MCTP1: variants seen among roughly 807,000 people sequenced by gnomAD.
The protein encoded by MCTP1 is multiple C2 and transmembrane domain containing 1, also known as multiple C2 and transmembrane domain-containing protein 1.
MCTP1 carries 69 observed loss-of-function variants against 120.6 expected under a neutral mutation model. That is an observed-to-expected ratio of 0.57 (90% CI 0.47 to 0.70). The LOEUF is 0.70. Among genes scored for constraint, MCTP1 ranks in the 30% least tolerant of loss-of-function variants. MCTP1 has a pLI of 0.00. For missense variants in MCTP1, 1,203 were observed against 1,248.8 expected, an observed-to-expected ratio of 0.96 and a Z score of 0.55; for synonymous variants, 529 against 493.1, an observed-to-expected ratio of 1.07 and a Z score of -0.96.
chr5:94,822,830 T>C (rs1785992087), intron 17 of MCTP1, among the ~76,000 whole-genome samples: 1 of 152,240 alleles, frequency 6.6e-6, no homozygotes, highest in Non-Finnish European at 1.5e-5. Context: ...TTTTTTCATA[T>C]GTTTGTTGGC....
intron 1 of MCTP1, among the ~76,000 whole-genome samples, chr5:95,243,729 A>C (rs1319223424): frequency 6.6e-6 from 1 of 152,216 alleles, no homozygotes; most frequent in South Asian, 2.1e-4. Context: ...AAAAAGGTGA[A>C]CGAGTCCAAG....
At chr5:94,883,322 A>C (rs1172631967) in intron 12 of MCTP1, among the ~76,000 whole-genome samples, 3 of 152,196 alleles carry the variant, frequency 2.0e-5, no homozygotes, top group Non-Finnish European at 4.4e-5. Context: ...CTATCTGCTT[A>C]AAAGTCTTCT....
intron 1 of MCTP1, among the ~76,000 whole-genome samples, chr5:95,024,705 A>C (rs1838900052): frequency 6.6e-6 from 1 of 151,560 alleles, no homozygotes; most frequent in Admixed American, 6.6e-5. Flanking sequence ...AAACTGTTAG[A>C]ATTGATAATG....
In MCTP1 at chr5:94,967,974, G is replaced by T. The variant is rs1014102162; in HGVS notation, c.839-14613C>A. Among the ~76,000 whole-genome samples, 15 of 152,204 alleles carry T rather than the reference G, an allele frequency of 9.9e-5. No individual in the cohort carries two copies. In the East Asian group the frequency reaches 2.5e-3, roughly 26 times the overall value. On this transcript the variant is annotated intron_variant, in intron 2 of 22. Transcript: ENST00000515393. ...AATTTTAATAGCCAAGTATTAAAAAGAAATTTCTAATCATTTTCAAATTCT... is the reference window on the plus strand; with the variant it reads ...AATTTTAATAGCCAAGTATTAAAAATAAATTTCTAATCATTTTCAAATTCT...
chr5:95,048,500 G>A (rs1005741604), intron 1 of MCTP1, among the ~76,000 whole-genome samples: 3 of 152,190 alleles, frequency 2.0e-5, no homozygotes, highest in African/African-American at 7.2e-5. Context: ...GAGGAAAGAT[G>A]AGAAGCTACT....
At chr5:94,895,095 T>C (rs1803634293) in intron 10 of MCTP1, among the ~76,000 whole-genome samples, 1 of 152,140 alleles carries the variant, frequency 6.6e-6, no homozygotes, top group Non-Finnish European at 1.5e-5. Context: ...ACGGTATTCA[T>C]AAAGTGGTAA....
At chr5:94,833,553 G>A (rs1177549050) in intron 17 of MCTP1, among the ~76,000 whole-genome samples, 1 of 152,068 alleles carries the variant, frequency 6.6e-6, no homozygotes. Flanking sequence ...AAACAAATTT[G>A]TTTTTAAGAA....
chr5:94,916,181 T>G (rs1457292018), intron 8 of MCTP1, among the ~76,000 whole-genome samples: 1 of 152,190 alleles, frequency 6.6e-6, no homozygotes, highest in Non-Finnish European at 1.5e-5. Flanking sequence ...AAATATTTAG[T>G]CTATGCATGA....
Position 94,895,668 on chromosome 5 carries a change from C to G in MCTP1, c.1653-833G>C, listed in dbSNP as rs573794642. On this transcript the variant is annotated intron_variant, in intron 10 of 22. Coordinates refer to ENST00000515393, the MANE Select transcript of MCTP1 (RefSeq NM_024717.7). Reference sequence around the variant, plus strand: ...TGCGTGGTCAGAGACAGATTAAATTCTTGCTCTTTCTTATTCCTCACTCTA... The same window carrying G: ...TGCGTGGTCAGAGACAGATTAAATTGTTGCTCTTTCTTATTCCTCACTCTA... Among the ~76,000 whole-genome samples, 18 of 152,294 alleles carry G rather than the reference C, an allele frequency of 1.2e-4. 1 individual carries two copies. The highest frequency in any genetic ancestry group is 3.4e-3 in the Middle Eastern group (1 of 294).
chr5:94,706,352 A>G lies in MCTP1; in HGVS notation c.*1144T>C, dbSNP rs1754588602. 6.6e-6 allele frequency: 1 copy of G among 151,688 alleles called. No individual in the cohort carries two copies. Among genetic ancestry groups the G allele is most frequent in the Non-Finnish European group, 1.5e-5 (1 of 67,776 alleles). 9.4% of individuals were successfully genotyped at this position (151,688 alleles called of 1,614,324 possible). A position where few individuals can be genotyped will look rare whatever the true frequency, so the allele number is the denominator to read the frequency against. ...AATGCAATTTTTAAGTATAGATTCT[A>G]TGATAATAGTGAAACATTGATAAAG... On this transcript the variant is annotated 3_prime_UTR_variant, in exon 23 of 23. Transcript: ENST00000515393.
At chr5:95,190,235 C>T (rs1275962887) in intron 1 of MCTP1, among the ~76,000 whole-genome samples, 1 of 152,080 alleles carries the variant, frequency 6.6e-6, no homozygotes, top group Non-Finnish European at 1.5e-5. Flanking sequence ...CATGGAAATT[C>T]TGATGTCCTG....
intron 1 of MCTP1, among the ~76,000 whole-genome samples, chr5:95,200,659 G>T (rs568847905): frequency 2.0e-5 from 3 of 152,222 alleles, no homozygotes; most frequent in Non-Finnish European, 2.9e-5. Flanking sequence ...TGAACTCATG[G>T]ATTAGGGAGA....
intron 1 of MCTP1, among the ~76,000 whole-genome samples, chr5:95,110,462 T>A (rs1051408397): frequency 6.6e-6 from 1 of 152,156 alleles, no homozygotes; most frequent in Non-Finnish European, 1.5e-5. Flanking sequence ...AGCAGCACAG[T>A]TCCAATATGG....
rs76403233 is a variant in MCTP1 at position 94,707,430 on chromosome 5, T to G, written c.*66A>C. 6 of 1,208,998 alleles carry G rather than the reference T, an allele frequency of 5.0e-6. No individual in the cohort carries two copies. The East Asian group carries it at 1.4e-4, about 28-fold the overall frequency. The allele number at this position is 1,208,998 out of a possible 1,614,324, so 74.9% of individuals were successfully genotyped here. The stretch of plus-strand genomic sequence containing the variant: ...AAAGCAGAAAGAAAGGAAATGCTGC[T>G]GAGGCTGAGGGCTTTTTCTTTTATC... On this transcript the variant is annotated 3_prime_UTR_variant, in exon 23 of 23. Coordinates refer to ENST00000515393, the MANE Select transcript of MCTP1 (RefSeq NM_024717.7).
intron 11 of MCTP1, among the ~76,000 whole-genome samples, chr5:94,890,004 A>AT (rs572313939): frequency 2.0e-5 from 3 of 151,992 alleles, no homozygotes; most frequent in Non-Finnish European, 1.5e-5. Flanking sequence ...TTTAAAATTT[A>AT]TTTTTATTTT....
At chr5:94,999,128 A>T (rs1164624751) in intron 2 of MCTP1, among the ~76,000 whole-genome samples, 6 of 152,180 alleles carry the variant, frequency 3.9e-5, no homozygotes, top group African/African-American at 7.2e-5. Flanking sequence ...ATATTATCCA[A>T]TTTCAGACAA....
At chr5:94,875,032 C>G (rs189493891) in intron 12 of MCTP1, among the ~76,000 whole-genome samples, 14 of 152,058 alleles carry the variant, frequency 9.2e-5, no homozygotes, top group Non-Finnish European at 1.3e-4. Context: ...GTTGGGGAAA[C>G]AGCAGTGAAT....
intron 1 of MCTP1, among the ~76,000 whole-genome samples, chr5:95,100,038 C>A (rs1471466717): frequency 1.3e-5 from 2 of 150,928 alleles, no homozygotes; most frequent in Non-Finnish European, 2.9e-5. Context: ...AAACCAAACA[C>A]CGCATATTCT....
chr5:95,221,397 G>C (rs1753680751), intron 1 of MCTP1, among the ~76,000 whole-genome samples: 1 of 152,152 alleles, frequency 6.6e-6, no homozygotes, highest in South Asian at 2.1e-4. Context: ...CATCTGTCTG[G>C]GCAGGTTTTG....
Sources: allele counts gnomAD v4.1 joint callset (sites outside exome capture counted in the v4.1 genomes callset), GRCh38; gene constraint gnomAD v4.1.1; transcripts MANE v1.5; gene names NCBI Gene and HGNC (gene_info 2026-07-23, HGNC 2026-07-21).